DOCK8: variants seen among roughly 807,000 people sequenced by gnomAD.
DOCK8 encodes the protein dedicator of cytokinesis protein 8.
A neutral mutation model predicts 245.6 loss-of-function variants in DOCK8; 141 were observed. That is an observed-to-expected ratio of 0.57 (90% CI 0.50 to 0.66). DOCK8 has a LOEUF of 0.66. Ranked by LOEUF, DOCK8 falls within the 30% of genes least tolerant of loss-of-function variation. The pLI is 0.00. For synonymous variants in DOCK8, 1,168 were observed against 970.2 expected, an observed-to-expected ratio of 1.20 and a Z score of -3.79; for missense variants, 2,965 against 2,603.4, an observed-to-expected ratio of 1.14 and a Z score of -3.02.
At chr9:243,261 C>G (rs2047420577) in intron 1 of DOCK8, among the ~76,000 whole-genome samples, 1 of 152,100 alleles carries the variant, frequency 6.6e-6, no homozygotes, top group Non-Finnish European at 1.5e-5. Context: ...ACGTGTATAA[C>G]AAATACATTT....
rs1423105507 is a variant in DOCK8 at position 441,266 on chromosome 9, G to C, written c.5224-20G>C. The C allele has an allele frequency of 6.2e-7, 1 of 1,614,042 alleles. No homozygotes were observed. The highest frequency in any genetic ancestry group is 8.5e-7 in the Non-Finnish European group (1 of 1,179,954). On this transcript the variant is annotated intron_variant, in intron 40 of 47. Transcript: ENST00000432829. Reference sequence around the variant, plus strand: ...TCCAGTGGATTAAATTCTCTCTGATGCTCTTCTCCTCTTTCCAAGGGAGGC... The same window carrying C: ...TCCAGTGGATTAAATTCTCTCTGATCCTCTTCTCCTCTTTCCAAGGGAGGC...
chr9:337,726 C>G (rs1415847434), intron 12 of DOCK8, among the ~76,000 whole-genome samples: 2 of 152,014 alleles, frequency 1.3e-5, no homozygotes, highest in Admixed American at 1.3e-4. Context: ...TTGCCAGGGT[C>G]TAGGGATAGA....
chr9:273,047 C>T (rs2048208077), intron 2 of DOCK8: 1 of 985,210 alleles, frequency 1.0e-6, no homozygotes, highest in Non-Finnish European at 1.2e-6. Flanking sequence ...CCGGTAACCG[C>T]CATTTTGTCT....
intron 3 of DOCK8, among the ~76,000 whole-genome samples, chr9:287,869 A>C (rs1247266499): frequency 1.3e-5 from 2 of 152,102 alleles, no homozygotes; most frequent in Non-Finnish European, 2.9e-5. Flanking sequence ...ATCTTGGAAA[A>C]AGCTGTTTAA....
At chr9:318,459 A>G (rs1373065550) in intron 7 of DOCK8, among the ~76,000 whole-genome samples, 1 of 152,194 alleles carries the variant, frequency 6.6e-6, no homozygotes, top group Non-Finnish European at 1.5e-5. Context: ...TGGTCTCAAA[A>G]TTCCTACCTA....
chr9:261,997 G>GAGAAAGAAAGAAAGAA (rs149792134), intron 1 of DOCK8, among the ~76,000 whole-genome samples: 7,937 of 146,752 alleles, frequency 0.054, 234 homozygotes, highest in Non-Finnish European at 0.061. Context: ...AAGAAAGAAG[G>GAGAAAGAAAGAAAGAA]AGAAAGAAAG....
chr9:462,471 G>A lies in DOCK8; in HGVS notation c.6069-1046G>A, dbSNP rs2057835705. On this transcript the variant is annotated intron_variant, in intron 46 of 47. Transcript: ENST00000432829. ...TTTCTAAACCCTCTTTCATAGATGG[G>A]ATAGCTTTTCAAGGCTCTGGACGAT... 2.0e-5 allele frequency among the ~76,000 whole-genome samples: 3 copies of A among 152,192 alleles called. 1 individual carries two copies. In the South Asian group the frequency reaches 6.2e-4, roughly 32 times the overall value.
intron 33 of DOCK8, among the ~76,000 whole-genome samples, chr9:424,540 G>T (rs916562265): frequency 1.3e-5 from 2 of 152,022 alleles, no homozygotes; most frequent in Non-Finnish European, 2.9e-5. Flanking sequence ...CTCCCAAGTA[G>T]ATGGGACTAC....
intron 22 of DOCK8, among the ~76,000 whole-genome samples, chr9:385,117 CA>C (rs2053895981): frequency 6.6e-6 from 1 of 152,012 alleles, no homozygotes; most frequent in Non-Finnish European, 1.5e-5. Context: ...TTTTTTGAGC[CA>C]GTTTTGAAAC....
intron 24 of DOCK8, among the ~76,000 whole-genome samples, chr9:394,636 G>C (rs2054361156): frequency 6.6e-6 from 1 of 152,332 alleles, no homozygotes; most frequent in South Asian, 2.1e-4. Flanking sequence ...AAACTGCTGA[G>C]CCAGACCTTG....
At chr9:250,030 G>A (rs2047611267) in intron 1 of DOCK8, among the ~76,000 whole-genome samples, 1 of 152,074 alleles carries the variant, frequency 6.6e-6, no homozygotes, top group South Asian at 2.1e-4. Flanking sequence ...CTAGAACACA[G>A]GCTTTATAGC....
In DOCK8 at chr9:409,681, A is replaced by T. The variant is rs544770960; in HGVS notation, c.3530+2612A>T. ...TGCGCCATGTTGGTGTGCTGCACCC[A>T]TTAACTCGTCATTTACATTAGGTAT... On this transcript the variant is annotated intron_variant, in intron 28 of 47. Coordinates refer to ENST00000432829, the MANE Select transcript of DOCK8 (RefSeq NM_203447.4). Among the ~76,000 whole-genome samples the T allele has an allele frequency of 1.5e-4, 23 of 152,196 alleles. 1 individual carries two copies. The South Asian group carries it at 4.8e-3, about 32-fold the overall frequency.
At chr9:235,304 C>CT (rs1221593278) in intron 1 of DOCK8, among the ~76,000 whole-genome samples, 15 of 152,238 alleles carry the variant, frequency 9.9e-5, no homozygotes, top group African/African-American at 3.6e-4. Flanking sequence ...TCAGTCTGCC[C>CT]CTACTGGGGG....
At position 426,894 on chromosome 9, in the gene DOCK8, C is replaced by T. The variant is rs914197583; in HGVS notation, c.4251C>T (p.Ala1417=). Residue 1417 remains alanine, a synonymous_variant, in exon 34 of 48, where the codon GCC becomes GCT. Transcript: ENST00000432829. Reference sequence around the variant, plus strand: ...TCTTGTTGTTTCCTAGAACAAAGGCCGAGTTAGATCAAGAAGCCTTGATCA... The same window carrying T: ...TCTTGTTGTTTCCTAGAACAAAGGCTGAGTTAGATCAAGAAGCCTTGATCA... The part of the protein sequence containing the change: ...QANEKLDKTK[A]ELDQEALISG... The T allele has an allele frequency of 3.1e-6, 5 of 1,613,974 alleles. No homozygotes were observed. Among genetic ancestry groups the T allele is most frequent in the Admixed American group, 1.7e-5 (1 of 60,000 alleles).
At chr9:308,150 GACTAGAATTAATAATA>G (rs2049933886) in intron 5 of DOCK8, among the ~76,000 whole-genome samples, 1 of 152,176 alleles carries the variant, frequency 6.6e-6, no homozygotes, top group Non-Finnish European at 1.5e-5. Flanking sequence ...ACTGTAAGGT[GACTAGAATTAATAATA>G]ATTTATTCTG....
At chr9:331,338 G>T (rs10970805) in intron 9 of DOCK8, among the ~76,000 whole-genome samples, 1 of 152,044 alleles carries the variant, frequency 6.6e-6, no homozygotes, top group African/African-American at 2.4e-5. Context: ...GTGGCAATGG[G>T]AGGGGGTTTT....
At position 439,451 on chromosome 9, in the gene DOCK8, G is replaced by C. The variant is rs1225802498; in HGVS notation, c.5223+63G>C. The stretch of plus-strand genomic sequence containing the variant: ...ATACTCCAGCTGGACTTGGGGTGCT[G>C]GGAACACCTGGTCTTAATGGCCCAG... On this transcript the variant is annotated intron_variant, in intron 40 of 47. Coordinates refer to ENST00000432829, the MANE Select transcript of DOCK8 (RefSeq NM_203447.4). The C allele has an allele frequency of 1.8e-5, 29 of 1,599,132 alleles. No homozygotes were observed. In the East Asian group the frequency reaches 6.5e-4, roughly 36 times the overall value.
chr9:304,696 G>C lies in DOCK8; in HGVS notation c.520G>C (p.Ala174Pro), dbSNP rs1427947897. 3.1e-6 allele frequency: 5 copies of C among 1,613,986 alleles called. No homozygotes were observed. Among genetic ancestry groups the C allele is most frequent in the Non-Finnish European group, 4.2e-6 (5 of 1,180,000 alleles). The change falls in exon 5 of 48, where the codon GCT becomes CCT. Residue 174 changes from alanine (A) to proline (P), a missense_variant. By Grantham distance (27) the Ala-to-Pro change is conservative. Around this residue, in one of 3 missense-constraint regions of DOCK8, gnomAD observed 2,825 missense variants for 2,453.5 expected, o/e 1.15. Coordinates refer to ENST00000432829, the MANE Select transcript of DOCK8 (RefSeq NM_203447.4). ...ESETLECSEP[A>P]AQAGPRHLNV... ...GGAAACCTTGGAGTGCAGTGAACCCGCTGCTCAGGTATTTCCTGTCAACAA... is the reference window on the plus strand; with the variant it reads ...GGAAACCTTGGAGTGCAGTGAACCCCCTGCTCAGGTATTTCCTGTCAACAA...
At chr9:381,809 A>T (rs188795855) in intron 21 of DOCK8, among the ~76,000 whole-genome samples, 109 of 152,158 alleles carry the variant, frequency 7.2e-4, no homozygotes, top group African/African-American at 2.6e-3. Context: ...AAATTACAAA[A>T]ATTAGCCAGT....
Sources: gnomAD v4.1 joint callset for allele counts (sites outside exome capture counted in the v4.1 genomes callset) on GRCh38, gnomAD v4.1.1 for gene constraint, gnomAD v4.1.1 regional missense constraint, MANE v1.5 for transcripts, NCBI Gene and HGNC (gene_info 2026-07-23, HGNC 2026-07-21) for gene names.